RIMBP2: variants seen among roughly 807,000 people sequenced by gnomAD.
RIMBP2 encodes RIMS-binding protein 2.
In RIMBP2, 48 loss-of-function variants were observed where a neutral mutation model predicts 118.6. That is an observed-to-expected ratio of 0.40 (90% CI 0.32 to 0.51). The LOEUF (loss-of-function observed/expected upper bound fraction) is 0.51, where lower values mean the gene tolerates loss of function less well. RIMBP2 is among the 20% of genes least tolerant of loss of function. The probability of loss-of-function intolerance (pLI) is 0.41; values close to 1 mark genes in which losing one functional copy is unlikely to be tolerated. For missense variants in RIMBP2, 1,551 were observed against 1,768.3 expected (o/e 0.88, Z 2.20); for synonymous variants, 762 against 742.9 (o/e 1.03, Z -0.42).
chr12:130,604,600 T>TTTTTTTTTTGTG (rs2060068953), intron 2 of RIMBP2, among the ~76,000 whole-genome samples: 1 of 72,202 alleles, frequency 1.4e-5, no homozygotes. Context: ...TTTTTTTTTT[T>TTTTTTTTTTGTG]TGAGACAGAG....
At chr12:130,492,537 G>A (rs2048740458) in intron 4 of RIMBP2, among the ~76,000 whole-genome samples, 1 of 152,174 alleles carries the variant, frequency 6.6e-6, no homozygotes, top group South Asian at 2.1e-4. Flanking sequence ...ATGAATCCTA[G>A]AGATGCAGGG....
At chr12:130,606,271 G>A (rs970926390) in intron 2 of RIMBP2, among the ~76,000 whole-genome samples, 3 of 152,134 alleles carry the variant, frequency 2.0e-5, no homozygotes, top group South Asian at 2.1e-4. Flanking sequence ...GAGAAAAAAC[G>A]TTCTCCCAAA....
At chr12:130,664,383 G>GCACGCA (rs1212575577) in intron 1 of RIMBP2, among the ~76,000 whole-genome samples, 3 of 132,326 alleles carry the variant, frequency 2.3e-5, no homozygotes, top group African/African-American at 8.3e-5. Flanking sequence ...ATGCACGCAC[G>GCACGCA]CGCATGCACA....
chr12:130,715,401 G>T (rs1181687345), intron 1 of RIMBP2, among the ~76,000 whole-genome samples: 2 of 152,096 alleles, frequency 1.3e-5, no homozygotes, highest in African/African-American at 4.8e-5. Context: ...CGCTCCCCGG[G>T]GACAGGAGGG....
intron 4 of RIMBP2, among the ~76,000 whole-genome samples, chr12:130,504,739 A>G (rs1566159931): frequency 6.6e-6 from 1 of 152,088 alleles, no homozygotes; most frequent in Non-Finnish European, 1.5e-5. Flanking sequence ...AGAAACAGAC[A>G]CACGGTTTCT....
At chr12:130,563,883 A>G (rs2057001386) in intron 2 of RIMBP2, among the ~76,000 whole-genome samples, 1 of 152,192 alleles carries the variant, frequency 6.6e-6, no homozygotes, top group African/African-American at 2.4e-5. Context: ...TTCCGTTTCA[A>G]TTATATACAA....
chr12:130,576,869 G>C lies in RIMBP2; in HGVS notation c.-217+51453C>G, dbSNP rs1341074096. ...AGTGCCTGGGAGCAAATATCTCCAT[G>C]TAGAAAGAGACCGACAGTGTGGCAG... On this transcript the variant is annotated intron_variant, in intron 2 of 22. Coordinates refer to ENST00000690449, the MANE Select transcript of RIMBP2 (RefSeq NM_001393629.1). This position sits in a 1 kb window ranked among gnomAD's most constrained non-coding sequence, Gnocchi z 4.2. Among the ~76,000 whole-genome samples the C allele has an allele frequency of 2.6e-5, 4 of 152,210 alleles. No individual in the cohort carries two copies. The highest frequency in any genetic ancestry group is 5.9e-5 in the Non-Finnish European group (4 of 68,048).
rs1304699474 is a variant in RIMBP2 at position 130,433,308 on chromosome 12, G to A, written c.2253+1426C>T. On this transcript the variant is annotated intron_variant, in intron 14 of 22. Transcript: ENST00000690449. ...TAACACTAAAACCCGCCCCATGTGCGGTGCACACAGAGGATGCTACAGATA... is the reference window on the plus strand; with the variant it reads ...TAACACTAAAACCCGCCCCATGTGCAGTGCACACAGAGGATGCTACAGATA... Among the ~76,000 whole-genome samples the A allele has an allele frequency of 5.3e-5, 8 of 152,170 alleles. 1 individual carries two copies. The South Asian group carries it at 6.2e-4, about 12-fold the overall frequency.
chr12:130,456,488 G>A lies in RIMBP2; in HGVS notation c.358+8C>T. The A allele has an allele frequency of 6.4e-7, 1 of 1,573,850 alleles. No individual in the cohort carries two copies. The highest frequency in any genetic ancestry group is 8.7e-7 in the Non-Finnish European group (1 of 1,154,830). On this transcript the variant is annotated splice_region_variant and intron_variant, in intron 7 of 22. Transcript: ENST00000690449. Reference sequence around the variant, plus strand: ...ACCACAGCCAAGGCGGAAGGTCCAGGCGCTTACCTTTGCCGAGGGAGGTGG... The same window carrying A: ...ACCACAGCCAAGGCGGAAGGTCCAGACGCTTACCTTTGCCGAGGGAGGTGG...
rs114763171 is a variant in RIMBP2 at position 130,557,943 on chromosome 12, G to A, written c.-216-40026C>T. 2.1e-3 allele frequency among the ~76,000 whole-genome samples: 326 copies of A among 152,158 alleles called. 1 individual carries two copies. Among genetic ancestry groups the A allele is most frequent in the African/African-American group, 6.8e-3 (284 of 41,514 alleles). ...ACTTACTCCTGGCTCCTGCGACCCC[G>A]GTTCCTCACCTGAAAAGTCGGGCGA... On this transcript the variant is annotated intron_variant, in intron 2 of 22. Transcript: ENST00000690449.
chr12:130,457,673 A>G (rs2079568206), intron 6 of RIMBP2, among the ~76,000 whole-genome samples: 1 of 152,278 alleles, frequency 6.6e-6, no homozygotes. Context: ...CTCCTGGGCT[A>G]TTCGTTTCTT....
intron 4 of RIMBP2, among the ~76,000 whole-genome samples, chr12:130,495,634 T>C (rs2138551964): frequency 6.6e-6 from 1 of 152,358 alleles, no homozygotes; most frequent in Middle Eastern, 3.4e-3. Flanking sequence ...CTCGTTTTAC[T>C]CCAAGCATCT....
At chr12:130,630,409 AC>A (rs1434492884) in intron 1 of RIMBP2, among the ~76,000 whole-genome samples, 2 of 152,058 alleles carry the variant, frequency 1.3e-5, no homozygotes, top group African/African-American at 2.4e-5. Flanking sequence ...ATATTTAAAA[AC>A]AAAAATTCCT....
rs550585637 is a variant in RIMBP2, at chr12:130,629,233, G to A, written c.-351-777C>T. On this transcript the variant is annotated intron_variant, in intron 1 of 22. Transcript: ENST00000690449. ...GCAGGAGTGAGAGGAAGGATAAAAA[G>A]CAAGTGAGGCTTTATCCTAGAACTT... Among the ~76,000 whole-genome samples the A allele has an allele frequency of 8.8e-4, 134 of 152,324 alleles. 1 individual carries two copies. Among genetic ancestry groups the A allele is most frequent in the African/African-American group, 2.7e-3 (114 of 41,570 alleles).
chr12:130,433,855 A>G (rs1475862725), intron 14 of RIMBP2, among the ~76,000 whole-genome samples: 1 of 152,214 alleles, frequency 6.6e-6, no homozygotes, highest in Non-Finnish European at 1.5e-5. Context: ...CGCAGCCTCT[A>G]CTGCAGACTC....
chr12:130,638,160 G>A (rs10744474), intron 1 of RIMBP2, among the ~76,000 whole-genome samples: 107,823 of 152,110 alleles, frequency 0.71, 38,763 homozygotes, highest in Middle Eastern at 0.79. Flanking sequence ...GGGTCTCCCC[G>A]GATGGACACA....
chr12:130,515,449 T>C (rs1168748197), intron 3 of RIMBP2, among the ~76,000 whole-genome samples: 2 of 152,130 alleles, frequency 1.3e-5, no homozygotes, highest in Non-Finnish European at 2.9e-5. Flanking sequence ...AGGAACCTCA[T>C]ATAAGTGGAA....
intron 2 of RIMBP2, among the ~76,000 whole-genome samples, chr12:130,568,005 G>A (rs1163958179): frequency 6.6e-6 from 1 of 152,012 alleles, no homozygotes; most frequent in Admixed American, 6.6e-5. Flanking sequence ...AAAAAAAAAG[G>A]CCCGTGGTCC....
At chr12:130,598,427 T>C (rs1206330519) in intron 2 of RIMBP2, among the ~76,000 whole-genome samples, 1 of 152,110 alleles carries the variant, frequency 6.6e-6, no homozygotes, top group Admixed American at 6.5e-5. Context: ...AAATAGACCC[T>C]GCCAAAAAAA....
Sources: gnomAD v4.1 joint callset for allele counts (sites outside exome capture counted in the v4.1 genomes callset) on GRCh38, gnomAD v4.1.1 for gene constraint, Gnocchi (gnomAD v3.1) non-coding constraint, MANE v1.5 for transcripts, NCBI Gene and HGNC (gene_info 2026-07-23, HGNC 2026-07-21) for gene names.